SNTG1: variants seen among roughly 807,000 people sequenced by gnomAD.
SNTG1 encodes gamma-1-syntrophin.
SNTG1 carries 39 observed loss-of-function variants against 74.7 expected under a neutral mutation model. The ratio of observed to expected loss-of-function variants is 0.52; its 90% confidence interval spans 0.40 to 0.68. The LOEUF is 0.68. Ranked by LOEUF, SNTG1 falls within the 30% of genes least tolerant of loss-of-function variation. SNTG1 has a pLI of 0.00. For missense variants in SNTG1, 685 were observed against 609.5 expected, an observed-to-expected ratio of 1.12 and a Z score of -1.30; for synonymous variants, 254 against 217.1, an observed-to-expected ratio of 1.17 and a Z score of -1.49.
chr8:50,605,075 C>T (rs1225683546), intron 13 of SNTG1, among the ~76,000 whole-genome samples: 1 of 152,142 alleles, frequency 6.6e-6, no homozygotes, highest in African/African-American at 2.4e-5. Flanking sequence ...CACAACTCTG[C>T]CCTGTGCCCT....
intron 1 of SNTG1, among the ~76,000 whole-genome samples, chr8:49,985,656 C>T (rs1179049973): frequency 6.6e-6 from 1 of 152,072 alleles, no homozygotes; most frequent in Non-Finnish European, 1.5e-5. Flanking sequence ...AAATAAGGCG[C>T]ATAAACAATG....
chr8:50,241,012 T>G (rs1269991690), intron 2 of SNTG1, among the ~76,000 whole-genome samples: 1 of 152,190 alleles, frequency 6.6e-6, no homozygotes, highest in Non-Finnish European at 1.5e-5. Flanking sequence ...CAATGTCCAC[T>G]ATAAAAAGTC....
At position 50,330,458 on chromosome 8, in the gene SNTG1, C is replaced by A. The variant is rs548876529; in HGVS notation, c.-27-63754C>A. Among the ~76,000 whole-genome samples the A allele has an allele frequency of 2.0e-5, 3 of 152,292 alleles. No homozygotes were observed. In the East Asian group the frequency reaches 5.8e-4, roughly 29 times the overall value. ...TTTTGGTCAACACCATTCAAAAAAT[C>A]TCTAGAAAGTTTCAAACTTTCTCAC... On this transcript the variant is annotated intron_variant, in intron 2 of 18. Transcript: ENST00000642720.
intron 2 of SNTG1, among the ~76,000 whole-genome samples, chr8:50,355,546 A>G (rs1023365558): frequency 1.3e-5 from 2 of 152,108 alleles, no homozygotes; most frequent in African/African-American, 4.8e-5. Flanking sequence ...AAATTGATGA[A>G]CCTTTTCAGG....
At chr8:49,912,363 T>C (rs1466306742) in intron 1 of SNTG1, 132 bp downstream of exon 1, 2 of 152,356 alleles carry the variant, frequency 1.3e-5, no homozygotes, top group East Asian at 1.9e-4. Context: ...TTTAAAATAA[T>C]TGTTTCTGGA....
intron 9 of SNTG1, among the ~76,000 whole-genome samples, chr8:50,524,706 G>T (rs1480422183): frequency 1.3e-5 from 2 of 151,956 alleles, no homozygotes; most frequent in Admixed American, 6.6e-5. Flanking sequence ...CATTGTATTT[G>T]GTATTATATG....
At chr8:50,210,991 A>ACCCC (rs1449143400) in intron 2 of SNTG1, among the ~76,000 whole-genome samples, 4 of 152,150 alleles carry the variant, frequency 2.6e-5, no homozygotes, top group Non-Finnish European at 5.9e-5. Flanking sequence ...AGTGTAATTT[A>ACCCC]TGCATTGGTA....
intron 2 of SNTG1, among the ~76,000 whole-genome samples, chr8:50,311,796 A>T (rs927389487): frequency 5.9e-5 from 9 of 152,336 alleles, no homozygotes; most frequent in African/African-American, 1.9e-4. Context: ...ATACATGGAA[A>T]TACACTTTGT....
At chr8:50,754,766 T>C (rs2095576095) in intron 18 of SNTG1, among the ~76,000 whole-genome samples, 1 of 151,916 alleles carries the variant, frequency 6.6e-6, no homozygotes, top group Non-Finnish European at 1.5e-5. Flanking sequence ...ATTTCTGATT[T>C]GAAGTGTCCT....
intron 18 of SNTG1, among the ~76,000 whole-genome samples, chr8:50,774,042 T>C (rs1421412862): frequency 2.0e-5 from 3 of 151,978 alleles, no homozygotes; most frequent in Non-Finnish European, 4.4e-5. Flanking sequence ...TCACAATATC[T>C]CAATGTCAAT....
chr8:50,247,495 A>C (rs937763524), intron 2 of SNTG1, among the ~76,000 whole-genome samples: 3 of 152,156 alleles, frequency 2.0e-5, no homozygotes, highest in Non-Finnish European at 4.4e-5. Context: ...GTGCAAAAAA[A>C]TTGAAATCTA....
intron 4 of SNTG1, among the ~76,000 whole-genome samples, chr8:50,421,552 T>C (rs566240072): frequency 2.0e-5 from 3 of 152,276 alleles, no homozygotes; most frequent in Non-Finnish European, 2.9e-5. Context: ...CTGTATCTTG[T>C]GCCAACCTCT....
At chr8:50,279,118 TA>T (rs886585739) in intron 2 of SNTG1, among the ~76,000 whole-genome samples, 12 of 152,090 alleles carry the variant, frequency 7.9e-5, no homozygotes, top group African/African-American at 2.4e-4. Flanking sequence ...AAATGATGCA[TA>T]AAAAATGCAG....
intron 1 of SNTG1, among the ~76,000 whole-genome samples, chr8:50,150,527 G>T (rs1056476126): frequency 6.6e-6 from 1 of 151,984 alleles, no homozygotes; most frequent in African/African-American, 2.4e-5. Context: ...ATTGGCTGTG[G>T]GTTTGTCATA....
At chr8:50,604,761 G>C (rs948202911) in intron 13 of SNTG1, among the ~76,000 whole-genome samples, 7 of 151,980 alleles carry the variant, frequency 4.6e-5, no homozygotes, top group African/African-American at 1.7e-4. Flanking sequence ...CTGGTTTCTA[G>C]GGTGTGAGAC....
chr8:50,751,588 G>A (rs895370159), intron 17 of SNTG1, among the ~76,000 whole-genome samples: 1 of 151,930 alleles, frequency 6.6e-6, no homozygotes, highest in Admixed American at 6.6e-5. Flanking sequence ...TTTGTCATAA[G>A]GGTTTATTCA....
chr8:50,760,442 T>A (rs1229707336), intron 18 of SNTG1, among the ~76,000 whole-genome samples: 1 of 152,014 alleles, frequency 6.6e-6, no homozygotes, highest in East Asian at 1.9e-4. Flanking sequence ...TGCTTCTAGG[T>A]TTTTGCCCAT....
chr8:50,239,307 G>C (rs550377622), intron 2 of SNTG1, among the ~76,000 whole-genome samples: 40 of 152,278 alleles, frequency 2.6e-4, no homozygotes, highest in African/African-American at 8.9e-4. Flanking sequence ...TAGTACCCAA[G>C]ACTGGGTAAT....
intron 15 of SNTG1, among the ~76,000 whole-genome samples, chr8:50,666,080 C>G (rs1482657966): frequency 6.6e-6 from 1 of 152,022 alleles, no homozygotes; most frequent in Non-Finnish European, 1.5e-5. Flanking sequence ...AAGCTGGGTA[C>G]AAATGAAATC....
Sources: gnomAD v4.1 joint callset for allele counts (sites outside exome capture counted in the v4.1 genomes callset) on GRCh38, gnomAD v4.1.1 for gene constraint, MANE v1.5 for transcripts, NCBI Gene and HGNC (gene_info 2026-07-23, HGNC 2026-07-21) for gene names.